Variants in ZNF469 observed in about 807,000 individuals in gnomAD.
The protein encoded by ZNF469 is zinc finger protein 469.
ZNF469 carries 1 observed loss-of-function variant against 1.0 expected under a neutral mutation model. That is an observed-to-expected ratio of 1.00 (90% CI 0.35 to 4.73). The LOEUF (loss-of-function observed/expected upper bound fraction) is 4.73. ZNF469 is among the 30% of genes most tolerant of loss of function. ZNF469 has a pLI of 0.16. For missense variants in ZNF469, 6,100 were observed against 5,356.3 expected (o/e 1.14, Z -4.33); for synonymous variants, 2,703 against 2,363.4 (o/e 1.14, Z -4.17).
At chr16:88,379,596 C>T (rs971150978), upstream of ZNF469, among the ~76,000 whole-genome samples, 4 of 152,090 alleles carry the variant, frequency 2.6e-5, no homozygotes, top group Admixed American at 6.5e-5. Flanking sequence ...TCTCACCTCC[C>T]GCCATTGACA....
the ZNF469 span, among the ~76,000 whole-genome samples, chr16:88,259,420 A>G: frequency 5.9e-5 from 9 of 152,048 alleles, no homozygotes; most frequent in Non-Finnish European, 1.2e-4. The surrounding 1 kb of genome is among the most constrained non-coding windows in gnomAD (Gnocchi z 4.1). Flanking sequence ...CTCAGGAAAA[A>G]CAACAGGTTT....
rs768083750 is a variant in ZNF469, at chr16:88,436,862, A to G, written c.9392A>G (p.Asp3131Gly). 6 of 1,526,270 alleles carry G rather than the reference A, an allele frequency of 3.9e-6. No individual in the cohort carries two copies. The South Asian group carries it at 4.8e-5, about 12-fold the overall frequency. The allele number at this position is 1,526,270 out of a possible 1,614,324, so 94.5% of individuals were successfully genotyped here. A position where few individuals can be genotyped will look rare whatever the true frequency, so the allele number is the denominator to read the frequency against. ...CGCTTCCGCAGCCTGGGCGAGCTGG[A>G]CCTGCACAAGCTGGCCCACACGCCC... Reference protein sequence around the residue: ...FQRFRSLGELDLHKLAHTPAP... With the variant: ...FQRFRSLGELGLHKLAHTPAP... Residue 3131 changes from aspartate (D) to glycine (G), a missense_variant, in exon 3 of 3, where the codon GAC (aspartate) becomes GGC (glycine). By Grantham distance (94) the Asp-to-Gly change is moderately conservative. Transcript: ENST00000565624.
the ZNF469 span, among the ~76,000 whole-genome samples, chr16:88,316,839 A>T: frequency 7.3e-6 from 1 of 137,060 alleles, no homozygotes; most frequent in Admixed American, 7.9e-5. Flanking sequence ...GAGCCACTGC[A>T]CCCAGCCTGG....
chr16:88,155,194 G>A, the ZNF469 span, among the ~76,000 whole-genome samples: 6 of 152,342 alleles, frequency 3.9e-5, no homozygotes, highest in Non-Finnish European at 7.3e-5. Flanking sequence ...GGGCCATGGA[G>A]CGCAGCTGCA....
chr16:88,158,971 G>T, the ZNF469 span, among the ~76,000 whole-genome samples: 2 of 152,180 alleles, frequency 1.3e-5, no homozygotes, highest in African/African-American at 4.8e-5. Context: ...CACACGTGCT[G>T]GTCCAGTGGG....
the ZNF469 span, among the ~76,000 whole-genome samples, chr16:88,299,743 CA>C: frequency 1.3e-5 from 2 of 152,182 alleles, no homozygotes; most frequent in Non-Finnish European, 2.9e-5. Context: ...GCCTCTGCCA[CA>C]GGGGCCCCAC....
In ZNF469 at chr16:88,438,123, C is replaced by G. The variant is rs1394851655; in HGVS notation, c.10653C>G (p.Pro3551=). 3.2e-6 allele frequency: 5 copies of G among 1,550,276 alleles called. No homozygotes were observed. In the South Asian group the frequency reaches 4.8e-5, roughly 15 times the overall value. The change falls in exon 3 of 3, where the codon CCC becomes CCG. Residue 3551 remains proline (P), a synonymous_variant. Coordinates refer to ENST00000565624, the MANE Select transcript of ZNF469 (RefSeq NM_001367624.2). The stretch of plus-strand genomic sequence containing the variant: ...TGCCATCCAACCACCAGGAGTGTCC[C>G]CCGCCGTCTCTGTCTCCCTTCCCAG... ...CELPSNHQEC[P]PPSLSPFPAA...
At chr16:88,177,289 T>G in the ZNF469 span, 3 of 152,104 alleles carry the variant, frequency 2.0e-5, no homozygotes, top group East Asian at 5.8e-4. This position sits in a 1 kb window ranked among gnomAD's most constrained non-coding sequence, Gnocchi z 4.8. Flanking sequence ...CAAGGTTGAA[T>G]TAGGCACAGC....
rs1398378361 is a variant in ZNF469 at position 88,434,686 on chromosome 16, G to C, written c.7216G>C (p.Gly2406Arg). 1 of 1,550,348 alleles carries C rather than the reference G, an allele frequency of 6.5e-7. No homozygotes were observed. Among genetic ancestry groups the C allele is most frequent in the East Asian group, 2.4e-5 (1 of 40,916 alleles). The change falls in exon 3 of 3, where the codon GGA (glycine) becomes CGA (arginine). Residue 2406 changes from glycine to arginine, a missense_variant. Gly to Arg is a moderately radical substitution (Grantham distance 125, BLOSUM62 -2). Transcript: ENST00000565624. The part of the protein sequence containing the change: ...VTCPSTGLGL[G>R]RTTAPSSTAS... ...CTGCCCTTCCACAGGACTGGGCTTGGGAAGAACCACAGCCCCAAGCAGCAC... is the reference window on the plus strand; with the variant it reads ...CTGCCCTTCCACAGGACTGGGCTTGCGAAGAACCACAGCCCCAAGCAGCAC...
chr16:88,137,370 T>G, the ZNF469 span, among the ~76,000 whole-genome samples: 84,829 of 151,820 alleles, frequency 0.56, 27,978 homozygotes, highest in Non-Finnish European at 0.76. Flanking sequence ...CAGTCATATG[T>G]GCATACCACC....
At chr16:88,236,638 A>G in the ZNF469 span, among the ~76,000 whole-genome samples, 5 of 152,182 alleles carry the variant, frequency 3.3e-5, no homozygotes, top group Admixed American at 3.3e-4. Context: ...AGGCCGAGGC[A>G]GGTGGATCAC....
the ZNF469 span, among the ~76,000 whole-genome samples, chr16:88,336,515 G>A: frequency 8.4e-4 from 106 of 126,918 alleles, 1 homozygote; most frequent in East Asian, 0.012. Context: ...CCAATACCGC[G>A]CATGTTCATC....
the ZNF469 span, among the ~76,000 whole-genome samples, chr16:88,264,521 T>G: frequency 6.6e-6 from 1 of 150,376 alleles, no homozygotes; most frequent in Non-Finnish European, 1.5e-5. Context: ...CATGGCACCT[T>G]CCAATACCTG....
chr16:88,322,061 G>A, the ZNF469 span, among the ~76,000 whole-genome samples: 157 of 152,374 alleles, frequency 1.0e-3, no homozygotes, highest in African/African-American at 2.3e-3. Context: ...ATTGGAAATG[G>A]TCCCTGTGGG....
At chr16:88,229,717 G>A in the ZNF469 span, among the ~76,000 whole-genome samples, 1 of 152,200 alleles carries the variant, frequency 6.6e-6, no homozygotes, top group African/African-American at 2.4e-5. Context: ...GTGTGCTGAT[G>A]TCACGCGTGT....
the ZNF469 span, among the ~76,000 whole-genome samples, chr16:88,235,258 C>T: frequency 3.3e-5 from 5 of 152,216 alleles, no homozygotes; most frequent in African/African-American, 7.2e-5. Flanking sequence ...GCCCTCCCTG[C>T]CCATGGAGCT....
the ZNF469 span, among the ~76,000 whole-genome samples, chr16:88,113,082 G>A: frequency 2.0e-5 from 3 of 152,158 alleles, no homozygotes; most frequent in Non-Finnish European, 4.4e-5. Context: ...CTGGCCTGCT[G>A]TGCAGAAGCT....
chr16:88,409,423 C>T (rs62047106), intron 1 of ZNF469, among the ~76,000 whole-genome samples: 4 of 152,244 alleles, frequency 2.6e-5, no homozygotes, highest in Non-Finnish European at 5.9e-5. Context: ...CACTCGAGTC[C>T]TCAGGGCAGC....
upstream of ZNF469, among the ~76,000 whole-genome samples, chr16:88,381,190 A>G (rs2092523311): frequency 7.9e-6 from 1 of 127,254 alleles, no homozygotes; most frequent in Non-Finnish European, 1.6e-5. Flanking sequence ...ATGCACTCAC[A>G]CACATGCATT....
Sources: gnomAD v4.1 joint callset for allele counts (sites outside exome capture counted in the v4.1 genomes callset) on GRCh38, gnomAD v4.1.1 for gene constraint, Gnocchi (gnomAD v3.1) non-coding constraint, MANE v1.5 for transcripts, NCBI Gene and HGNC (gene_info 2026-07-23, HGNC 2026-07-21) for gene names.